GPR158: variants seen among roughly 807,000 people sequenced by gnomAD.
GPR158 encodes the protein metabotropic glycine receptor.
Under a neutral mutation model 78.2 loss-of-function variants are expected in GPR158, and 30 were observed. That is an observed-to-expected ratio of 0.38 (90% CI 0.29 to 0.52). The LOEUF is 0.52. GPR158 is among the 20% of genes least tolerant of loss of function. The pLI is 0.83. For missense variants in GPR158, 1,463 were observed against 1,523.5 expected, an observed-to-expected ratio of 0.96 and a Z score of 0.66; for synonymous variants, 581 against 591.1, an observed-to-expected ratio of 0.98 and a Z score of 0.25.
At chr10:25,527,886 G>A (rs1310652145) in intron 5 of GPR158, among the ~76,000 whole-genome samples, 6 of 152,144 alleles carry the variant, frequency 3.9e-5, no homozygotes, top group Non-Finnish European at 5.9e-5. Flanking sequence ...GAGATTAAAA[G>A]GATAATAAGC....
chr10:25,203,557 T>C (rs890869145), intron 1 of GPR158, among the ~76,000 whole-genome samples: 29 of 150,110 alleles, frequency 1.9e-4, no homozygotes, highest in Admixed American at 9.4e-4. Flanking sequence ...AAAGATCAGA[T>C]GGTTGTAGAT....
intron 1 of GPR158, among the ~76,000 whole-genome samples, chr10:25,192,754 T>G (rs1852789856): frequency 6.6e-6 from 1 of 150,794 alleles, no homozygotes; most frequent in African/African-American, 2.4e-5. Context: ...CCCTAAAACT[T>G]GAAGTATAAT....
intron 2 of GPR158, among the ~76,000 whole-genome samples, chr10:25,379,647 C>CTTTTTTTTTTTT (rs11393897): frequency 3.2e-4 from 34 of 106,980 alleles, no homozygotes; most frequent in Non-Finnish European, 5.2e-4. Flanking sequence ...TGAGGATTAG[C>CTTTTTTTTTTTT]TTTTTTTTTT....
At chr10:25,177,665 T>A (rs1852557721) in intron 1 of GPR158, among the ~76,000 whole-genome samples, 1 of 152,136 alleles carries the variant, frequency 6.6e-6, no homozygotes, top group African/African-American at 2.4e-5. Flanking sequence ...ATCTGTCCAG[T>A]GAGGGAGTTG....
chr10:25,377,475 T>A (rs1834097398), intron 2 of GPR158, among the ~76,000 whole-genome samples: 1 of 152,024 alleles, frequency 6.6e-6, no homozygotes, highest in South Asian at 2.1e-4. Context: ...CCATCATCAC[T>A]AACTAATTTT....
In GPR158 at chr10:25,360,487, A is replaced by G. The variant is rs534125733; in HGVS notation, c.1009-35424A>G. Among the ~76,000 whole-genome samples, 19 of 152,106 alleles carry G rather than the reference A, an allele frequency of 1.2e-4. No homozygotes were observed. In the East Asian group the frequency reaches 1.6e-3, roughly 12 times the overall value. On this transcript the variant is annotated intron_variant, in intron 2 of 10. Transcript: ENST00000376351. ...TGCATATGGCTAGCCAGTTTTCCCA[A>G]CACCATTTATTAAATAGGGAATCCT... is the stretch of plus-strand genomic sequence containing the variant.
At chr10:25,474,336 A>C (rs1055884993) in intron 5 of GPR158, among the ~76,000 whole-genome samples, 2 of 152,136 alleles carry the variant, frequency 1.3e-5, no homozygotes, top group African/African-American at 4.8e-5. Flanking sequence ...TAGTGGCTAT[A>C]GGAAACTAAG....
At chr10:25,566,260 T>C (rs1217273958) in intron 6 of GPR158, among the ~76,000 whole-genome samples, 1 of 152,112 alleles carries the variant, frequency 6.6e-6, no homozygotes, top group Non-Finnish European at 1.5e-5. Context: ...TACAGCAAAA[T>C]TTTCTCTGTT....
intron 5 of GPR158, among the ~76,000 whole-genome samples, chr10:25,538,573 G>A (rs1316267431): frequency 6.6e-6 from 1 of 152,104 alleles, no homozygotes; most frequent in African/African-American, 2.4e-5. Context: ...ACACATTATA[G>A]CCTCGAACTC....
At chr10:25,262,827 TATC>T (rs756397473) in intron 2 of GPR158, among the ~76,000 whole-genome samples, 3 of 152,238 alleles carry the variant, frequency 2.0e-5, no homozygotes, top group East Asian at 3.8e-4. Flanking sequence ...ACCATTATAG[TATC>T]ATACAGAAAA....
At chr10:25,433,615 G>A (rs908575637) in intron 4 of GPR158, among the ~76,000 whole-genome samples, 23 of 151,522 alleles carry the variant, frequency 1.5e-4, no homozygotes, top group South Asian at 1.0e-3. Context: ...CAAGGTGGTG[G>A]TAAGGGTAAA....
At chr10:25,509,302 T>A (rs140380497) in intron 5 of GPR158, among the ~76,000 whole-genome samples, 2 of 152,284 alleles carry the variant, frequency 1.3e-5, no homozygotes, top group East Asian at 3.9e-4. Context: ...CCCCTGAATA[T>A]CATGGACTTC....
chr10:25,196,428 ATTG>A (rs1372089247), intron 1 of GPR158, among the ~76,000 whole-genome samples: 2 of 152,092 alleles, frequency 1.3e-5, no homozygotes, highest in African/African-American at 4.8e-5. Context: ...TCCCTGAATT[ATTG>A]TTGTTCCAAC....
chr10:25,233,544 G>A (rs983347830), intron 2 of GPR158, among the ~76,000 whole-genome samples: 8 of 152,158 alleles, frequency 5.3e-5, no homozygotes, highest in Non-Finnish European at 1.0e-4. Flanking sequence ...ATTTATAGGT[G>A]TACAAACTGA....
At chr10:25,550,042 A>G (rs180685498) in intron 5 of GPR158, among the ~76,000 whole-genome samples, 1 of 152,290 alleles carries the variant, frequency 6.6e-6, no homozygotes, top group African/African-American at 2.4e-5. Flanking sequence ...GCAGGGTCAA[A>G]CCAATTCTTA....
intron 6 of GPR158, among the ~76,000 whole-genome samples, chr10:25,564,878 C>CTGA (rs1328756450): frequency 1.3e-5 from 2 of 152,154 alleles, no homozygotes; most frequent in Admixed American, 6.5e-5. Flanking sequence ...CTTTTATGGA[C>CTGA]TGATAGACTT....
chr10:25,366,313 A>T (rs917539678), intron 2 of GPR158, among the ~76,000 whole-genome samples: 3 of 151,670 alleles, frequency 2.0e-5, no homozygotes, highest in Non-Finnish European at 3.0e-5. Context: ...TTCCAAACCT[A>T]TATCCAGATT....
At chr10:25,393,230 G>A (rs564414581) in intron 2 of GPR158, among the ~76,000 whole-genome samples, 48 of 152,248 alleles carry the variant, frequency 3.2e-4, no homozygotes, top group African/African-American at 1.1e-3. Context: ...TCTTCCATAA[G>A]AATTTAAAAT....
chr10:25,402,616 C>T (rs886680121), intron 3 of GPR158, among the ~76,000 whole-genome samples: 8 of 151,908 alleles, frequency 5.3e-5, no homozygotes, highest in African/African-American at 7.2e-5. Flanking sequence ...AATTTATAAA[C>T]ATCTATCAAG....
Sources: allele counts gnomAD v4.1 joint callset (sites outside exome capture counted in the v4.1 genomes callset), GRCh38; gene constraint gnomAD v4.1.1; transcripts MANE v1.5; gene names NCBI Gene and HGNC (gene_info 2026-07-23, HGNC 2026-07-21).